TINAGL1: variants seen among roughly 807,000 people sequenced by gnomAD.
TINAGL1 encodes the protein tubulointerstitial nephritis antigen like 1.
In TINAGL1, 34 loss-of-function variants were observed where a neutral mutation model predicts 62.0. The ratio of observed to expected loss-of-function variants is 0.55; its 90% CI spans 0.42 to 0.73. TINAGL1 has a LOEUF of 0.73. Among genes scored for constraint, TINAGL1 ranks in the 30% least tolerant of loss-of-function variants. The pLI, the probability that TINAGL1 is intolerant of heterozygous loss-of-function variation, is 0.00. For missense variants in TINAGL1, 516 were observed against 653.2 expected, an observed-to-expected ratio of 0.79 and a Z score of 2.29; for synonymous variants, 221 against 249.7, an observed-to-expected ratio of 0.88 and a Z score of 1.08.
intron 3 of TINAGL1, chr1:31,579,867 G>A (rs1639166272): frequency 6.2e-6 from 1 of 162,270 alleles, no homozygotes; most frequent in Non-Finnish European, 1.4e-5. Flanking sequence ...CGACTTGGAG[G>A]AGGCGGCCCT....
chr1:31,586,403 T>G (rs1314878311), intron 10 of TINAGL1: 2 of 525,672 alleles, frequency 3.8e-6, no homozygotes, highest in Admixed American at 6.9e-5. Flanking sequence ...CAGGTGGATG[T>G]GTGGTCCCAT....
In TINAGL1 at chr1:31,586,954, G is replaced by T; in HGVS notation, c.1379G>T (p.Gly460Val). ...GTGCTGGGCGTCTGGGGCCGCGTGG[G>T]CATGGAGGACATGGGTCATCACTGA... The part of the protein sequence containing the change: ...SFVLGVWGRV[G>V]MEDMGHH Residue 460 changes from glycine to valine, a missense_variant, in exon 12 of 12, where the codon GGC (glycine) becomes GTC (valine). Gly to Val is a moderately radical substitution (Grantham distance 109). Transcript: ENST00000271064. 6.5e-7 allele frequency: 1 copy of T among 1,531,678 alleles called. No homozygotes were observed. 94.9% of individuals were successfully genotyped at this position (1,531,678 alleles called of 1,614,324 possible).
rs1022517464 is a variant in TINAGL1 at position 31,584,563 on chromosome 1, G to T, written c.583-115G>T. On this transcript the variant is annotated intron_variant, in intron 5 of 11. Transcript: ENST00000271064. The surrounding 1 kb of genome is among the most constrained non-coding windows in gnomAD (Gnocchi z 4.0). ...GCTGGAATCCTGCAGCAGCAGGAGG[G>T]CTCAAGATTAAACTGCAGAAGGCCC... 11 of 1,521,724 alleles carry T rather than the reference G, an allele frequency of 7.2e-6. No homozygotes were observed. The highest frequency in any genetic ancestry group is 2.4e-4 in the Middle Eastern group (1 of 4,164). 94.3% of individuals were successfully genotyped at this position (1,521,724 alleles called of 1,614,324 possible). A position where few individuals can be genotyped will look rare whatever the true frequency, so the allele number is the denominator to read the frequency against.
chr1:31,584,336 CAG>C lies in TINAGL1; in HGVS notation c.583-340_583-339del. ...AGGCCTGAAGAAAGCTAAGGCCGATCAGAAGGTGCAGAGGAAAGAGGCAGGGG... is the reference window on the plus strand; with the variant it reads ...AGGCCTGAAGAAAGCTAAGGCCGATCAAGGTGCAGAGGAAAGAGGCAGGGG... On this transcript the variant is annotated intron_variant, in intron 5 of 11. Coordinates refer to ENST00000271064, the MANE Select transcript of TINAGL1 (RefSeq NM_022164.3). The surrounding 1 kb of genome is among the most constrained non-coding windows in gnomAD (Gnocchi z 4.0). The C allele has an allele frequency of 3.5e-6, 1 of 281,698 alleles. No homozygotes were observed. The highest frequency in any genetic ancestry group is 7.0e-6 in the Non-Finnish European group (1 of 143,788). The allele number at this position is 281,698 out of a possible 1,614,324, so 17.4% of individuals were successfully genotyped here.
At chr1:31,580,493 C>A in intron 3 of TINAGL1, 1 of 1,289,284 alleles carries the variant, frequency 7.8e-7, no homozygotes, top group Non-Finnish European at 1.0e-6. Flanking sequence ...GGTGCTGCTG[C>A]CTAGGTGTGC....
intron 10 of TINAGL1, 115 bp from the exon 11 acceptor site, chr1:31,586,595 G>A (rs1639396723): frequency 8.3e-7 from 1 of 1,211,350 alleles, no homozygotes; most frequent in South Asian, 1.3e-5. Context: ...GAGCCCTAAG[G>A]GTGTACCCAA....
chr1:31,583,527 G>C lies in TINAGL1; in HGVS notation c.534G>C (p.Leu178=), dbSNP rs1260994931. 1 of 1,614,008 alleles carries C rather than the reference G, an allele frequency of 6.2e-7. No individual in the cohort carries two copies. The highest frequency in any genetic ancestry group is 1.1e-5 in the South Asian group (1 of 91,054). ...TGGATGAGGGCATTCGCTACCGCCT[G>C]GGCACCATCCGCCCATCTTCCTCGG... ...MTLDEGIRYR[L]GTIRPSSSVM... is the part of the protein sequence containing the mutation. The change falls in exon 5 of 12, where the codon CTG becomes CTC. Residue 178 remains leucine (L), a synonymous_variant. Transcript: ENST00000271064. The surrounding 1 kb of genome is among the most constrained non-coding windows in gnomAD (Gnocchi z 4.4).
chr1:31,587,105 TAA>T lies in TINAGL1; in HGVS notation c.*127_*128del. 1 of 1,295,836 alleles carries T rather than the reference TAA, an allele frequency of 7.7e-7. No homozygotes were observed. Among genetic ancestry groups the T allele is most frequent in the Non-Finnish European group, 9.8e-7 (1 of 1,021,034 alleles). 80.3% of individuals were successfully genotyped at this position (1,295,836 alleles called of 1,614,324 possible). On this transcript the variant is annotated 3_prime_UTR_variant, in exon 12 of 12. Coordinates refer to ENST00000271064, the MANE Select transcript of TINAGL1 (RefSeq NM_022164.3). ...GGGGCGCAGGCGGGCGCCAGGGCGCTAATCCCGGCGCGGGTTCCGCTGACGCA... is the reference window on the plus strand; with the variant it reads ...GGGGCGCAGGCGGGCGCCAGGGCGCTTCCCGGCGCGGGTTCCGCTGACGCA...
chr1:31,582,617 G>A (rs1639277477), intron 3 of TINAGL1, among the ~76,000 whole-genome samples: 1 of 152,216 alleles, frequency 6.6e-6, no homozygotes, highest in African/African-American at 2.4e-5. Context: ...GATGCATGGA[G>A]CACCCACAGT....
intron 3 of TINAGL1, chr1:31,579,714 T>C: frequency 6.1e-6 from 1 of 164,298 alleles, no homozygotes; most frequent in Non-Finnish European, 1.3e-5. Flanking sequence ...ATGTGGCCCC[T>C]TTTTCCTTCC....
At position 31,580,162 on chromosome 1, in the gene TINAGL1, GCTCTCTCTCTCTCTCTCTCTCTCTCT is replaced by G. The variant is rs761677862; in HGVS notation, c.374+920_374+945del. ...GCTCTGGACGTTGAGGGGTTAATGC[GCTCTCTCTCTCTCTCTCTCTCTCTCT>G]CTCTCTCTCTCTCTCTCTCTCTCTG... On this transcript the variant is annotated intron_variant, in intron 3 of 11. Transcript: ENST00000271064. 38 of 474,134 alleles carry G rather than the reference GCTCTCTCTCTCTCTCTCTCTCTCTCT, an allele frequency of 8.0e-5. 1 individual carries two copies. The African/African-American group carries it at 9.2e-4, about 12-fold the overall frequency. The allele number at this position is 474,134 out of a possible 1,614,324, so 29.4% of individuals were successfully genotyped here. A position where few individuals can be genotyped will look rare whatever the true frequency, so the allele number is the denominator to read the frequency against.
chr1:31,585,408 C>G lies in TINAGL1; in HGVS notation c.1048-32C>G, dbSNP rs762620583. On this transcript the variant is annotated intron_variant, in intron 8 of 11. Coordinates refer to ENST00000271064, the MANE Select transcript of TINAGL1 (RefSeq NM_022164.3). This position sits in a 1 kb window ranked among gnomAD's most constrained non-coding sequence, Gnocchi z 4.3. ...TGAAAGCCTGGAGTCTCACCCCTGA[C>G]GTATGCTCTCTGTCCATCCCCTGCC... is the stretch of plus-strand genomic sequence containing the variant. The G allele has an allele frequency of 1.2e-6, 2 of 1,612,776 alleles. No individual in the cohort carries two copies. Among genetic ancestry groups the G allele is most frequent in the Non-Finnish European group, 1.7e-6 (2 of 1,179,400 alleles).
At chr1:31,578,898 G>GTGTGT (rs1639110350) in intron 2 of TINAGL1, among the ~76,000 whole-genome samples, 2 of 141,950 alleles carry the variant, frequency 1.4e-5, no homozygotes, top group Admixed American at 1.4e-4. Context: ...GTGTGTGTGT[G>GTGTGT]ATATCTTCAG....
chr1:31,585,211 G>A lies in TINAGL1; in HGVS notation c.918G>A (p.Ala306=), dbSNP rs374434778. 5.6e-6 allele frequency: 9 copies of A among 1,611,284 alleles called. No homozygotes were observed. The highest frequency in any genetic ancestry group is 1.1e-5 in the South Asian group (1 of 90,748). ...GTGAACGAGACGAGGCTGGCCCTGCGCCCCCCTGTATGATGCACAGCCGAG... is the reference window on the plus strand; with the variant it reads ...GTGAACGAGACGAGGCTGGCCCTGCACCCCCCTGTATGATGCACAGCCGAG... The part of the protein sequence containing the change: ...SGRERDEAGP[A]PPCMMHSRAM... The change falls in exon 8 of 12, where the codon GCG becomes GCA. Residue 306 remains alanine, a synonymous_variant. Transcript: ENST00000271064. This position sits in a 1 kb window ranked among gnomAD's most constrained non-coding sequence, Gnocchi z 4.3.
rs1324631018 is a variant in TINAGL1 at position 31,586,707 on chromosome 1, C to T, written c.1218-3C>T. 6.4e-7 allele frequency: 1 copy of T among 1,558,276 alleles called. No individual in the cohort carries two copies. Among genetic ancestry groups the T allele is most frequent in the Admixed American group, 1.9e-5 (1 of 51,874 alleles). ...CCTTCCCCCTCCTCTGCTCTGCCCA[C>T]AGATGGGGAGAGGAGACGCTGCCAG... On this transcript the variant is annotated splice_region_variant and splice_polypyrimidine_tract_variant and intron_variant, in intron 10 of 11. Coordinates refer to ENST00000271064, the MANE Select transcript of TINAGL1 (RefSeq NM_022164.3).
At chr1:31,579,012 G>A (rs1490288391) in intron 2 of TINAGL1, among the ~76,000 whole-genome samples, 192 bp from the exon 3 acceptor site, 3 of 151,052 alleles carry the variant, frequency 2.0e-5, no homozygotes, top group Non-Finnish European at 4.4e-5. Context: ...GTGTGTGTGT[G>A]TGTGTGTGTG....
chr1:31,579,548 T>A (rs1639147451), intron 3 of TINAGL1, among the ~76,000 whole-genome samples: 1 of 151,834 alleles, frequency 6.6e-6, no homozygotes, highest in Non-Finnish European at 1.5e-5. Context: ...GGCTGGGCTA[T>A]TCCTCCCAGC....
Position 31,577,068 on chromosome 1 carries a change from G to T in TINAGL1, c.-15-66G>T. ...GGGCCCTCTTGAACTCACAGCTCCA[G>T]GAAACTGGGAGACTCATCCCTGGTG... On this transcript the variant is annotated intron_variant, in intron 1 of 11. Coordinates refer to ENST00000271064, the MANE Select transcript of TINAGL1 (RefSeq NM_022164.3). This position sits in a 1 kb window ranked among gnomAD's most constrained non-coding sequence, Gnocchi z 5.4. The T allele has an allele frequency of 7.3e-7, 1 of 1,364,924 alleles. No homozygotes were observed. The highest frequency in any genetic ancestry group is 9.6e-7 in the Non-Finnish European group (1 of 1,037,752). The allele number at this position is 1,364,924 out of a possible 1,614,324, so 84.6% of individuals were successfully genotyped here.
chr1:31,585,200 GCTGGCC>G lies in TINAGL1; in HGVS notation c.911_916del (p.Gly304_Pro305del), dbSNP rs1286124410. On this transcript the variant is annotated inframe_deletion, in exon 8 of 12. Transcript: ENST00000271064. This position sits in a 1 kb window ranked among gnomAD's most constrained non-coding sequence, Gnocchi z 4.3. Reference sequence around the variant, plus strand: ...CTTCTCGGGCCGTGAACGAGACGAGGCTGGCCCTGCGCCCCCCTGTATGATGCACAG... The same window carrying G: ...CTTCTCGGGCCGTGAACGAGACGAGGCTGCGCCCCCCTGTATGATGCACAG... The G allele has an allele frequency of 5.6e-6, 9 of 1,608,116 alleles. No homozygotes were observed. Among genetic ancestry groups the G allele is most frequent in the Non-Finnish European group, 7.6e-6 (9 of 1,176,576 alleles).
Sources: allele counts gnomAD v4.1 joint callset (sites outside exome capture counted in the v4.1 genomes callset), GRCh38; gene constraint gnomAD v4.1.1; non-coding constraint Gnocchi (gnomAD v3.1); transcripts MANE v1.5; gene names NCBI Gene and HGNC (gene_info 2026-07-23, HGNC 2026-07-21).